TVP23A: variants seen among roughly 807,000 people sequenced by gnomAD.
TVP23A encodes the protein Golgi apparatus membrane protein TVP23 homolog A.
Under a neutral mutation model 31.7 loss-of-function variants are expected in TVP23A, and 21 were observed. The ratio of observed to expected loss-of-function variants is 0.66; its 90% CI spans 0.47 to 0.95. The LOEUF is 0.95. Among genes scored for constraint, TVP23A ranks in the 40% least tolerant of loss-of-function variants. TVP23A has a pLI of 0.00. For missense variants in TVP23A, 279 were observed against 255.6 expected, an observed-to-expected ratio of 1.09 and a Z score of -0.62; for synonymous variants, 104 against 96.0, an observed-to-expected ratio of 1.08 and a Z score of -0.49.
chr16:10,798,243 G>A (rs61014543), intron 2 of TVP23A, among the ~76,000 whole-genome samples: 2,344 of 152,002 alleles, frequency 0.015, 52 homozygotes, highest in African/African-American at 0.053. Context: ...ACAGGTGTGC[G>A]CCCGCGCCCG....
chr16:10,786,988 C>G (rs1187968888), intron 2 of TVP23A, among the ~76,000 whole-genome samples: 1 of 151,818 alleles, frequency 6.6e-6, no homozygotes, highest in Non-Finnish European at 1.5e-5. Flanking sequence ...TGGACTGTTA[C>G]AGCTGGATAC....
chr16:10,775,393 G>A, intron 2 of TVP23A: 1 of 1,169,006 alleles, frequency 8.6e-7, no homozygotes, highest in Non-Finnish European at 1.1e-6. Flanking sequence ...TCTTTGAAGT[G>A]AAACGTGACA....
At chr16:10,770,353 A>T (rs16957647) in intron 6 of TVP23A, 22 bp from the exon 7 acceptor site, 23 of 1,550,016 alleles carry the variant, frequency 1.5e-5, no homozygotes, top group Non-Finnish European at 2.0e-5. Context: ...AAAGTCAACC[A>T]TGGTTTTCTG....
At chr16:10,781,989 G>A (rs749320837) in intron 2 of TVP23A, among the ~76,000 whole-genome samples, 1 of 149,526 alleles carries the variant, frequency 6.7e-6, no homozygotes, top group Non-Finnish European at 1.5e-5. Flanking sequence ...AACCTCCTGA[G>A]TAGCTGGGAT....
intron 2 of TVP23A, among the ~76,000 whole-genome samples, chr16:10,797,459 G>T (rs1367729962): frequency 6.6e-6 from 1 of 152,002 alleles, no homozygotes; most frequent in African/African-American, 2.4e-5. Context: ...GGCTGAGACA[G>T]GAGAATCGCT....
intron 2 of TVP23A, among the ~76,000 whole-genome samples, chr16:10,780,393 T>C (rs1471063772): frequency 6.6e-6 from 1 of 152,140 alleles, no homozygotes; most frequent in African/African-American, 2.4e-5. Flanking sequence ...TATCTTGTCA[T>C]ACTTCAAGGA....
At chr16:10,773,583 G>C in intron 4 of TVP23A, 142 bp from the exon 5 acceptor site, 2 of 1,122,558 alleles carry the variant, frequency 1.8e-6, no homozygotes, top group Non-Finnish European at 2.5e-6. Flanking sequence ...GTTTTGTTTT[G>C]TTTTTGAGAC....
intron 3 of TVP23A, 150 bp from the exon 4 acceptor site, chr16:10,774,278 C>G (rs2031841470): frequency 1.8e-6 from 1 of 545,608 alleles, no homozygotes; most frequent in East Asian, 3.0e-5. Flanking sequence ...TCTCAGATGT[C>G]AAGACTTCTA....
At position 10,818,776 on chromosome 16, in the gene TVP23A, C is replaced by G; in HGVS notation, c.-283G>C. On this transcript the variant is annotated 5_prime_UTR_variant, in exon 1 of 8. Coordinates refer to ENST00000299866, the MANE Select transcript of TVP23A (RefSeq NM_001079512.4). This position sits in a 1 kb window ranked among gnomAD's most constrained non-coding sequence, Gnocchi z 4.7. Reference sequence around the variant, plus strand: ...AGGCAACGGCCTGGGGAACTGCGGACAGAGATAGTGGGAGGAATGGGAGTC... The same window carrying G: ...AGGCAACGGCCTGGGGAACTGCGGAGAGAGATAGTGGGAGGAATGGGAGTC... 4.3e-6 allele frequency: 2 copies of G among 468,546 alleles called. No homozygotes were observed. Among genetic ancestry groups the G allele is most frequent in the Non-Finnish European group, 3.7e-6 (1 of 269,102 alleles). 29.0% of individuals were successfully genotyped at this position (468,546 alleles called of 1,614,324 possible).
intron 2 of TVP23A, among the ~76,000 whole-genome samples, chr16:10,793,026 T>C (rs1486751622): frequency 1.3e-5 from 2 of 152,300 alleles, no homozygotes; most frequent in East Asian, 1.9e-4. Flanking sequence ...TGGTGGCTCC[T>C]GCCTGTAATC....
chr16:10,776,624 C>G (rs1336888128), intron 2 of TVP23A, among the ~76,000 whole-genome samples: 1 of 152,170 alleles, frequency 6.6e-6, no homozygotes, highest in Non-Finnish European at 1.5e-5. Flanking sequence ...AGAGAGGGTT[C>G]TTGGATCTCA....
chr16:10,818,322 C>A lies in TVP23A; in HGVS notation c.10-140G>T. The stretch of plus-strand genomic sequence containing the variant: ...ACCCTCCGAGCTGGCGGGGCCCCTC[C>A]GCTGCGGCTGCAGTGCAAAGCCCTC... On this transcript the variant is annotated intron_variant, in intron 1 of 7. Coordinates refer to ENST00000299866, the MANE Select transcript of TVP23A (RefSeq NM_001079512.4). This position sits in a 1 kb window ranked among gnomAD's most constrained non-coding sequence, Gnocchi z 4.7. The A allele has an allele frequency of 7.4e-7, 1 of 1,348,888 alleles. No individual in the cohort carries two copies. Among genetic ancestry groups the A allele is most frequent in the Non-Finnish European group, 1.0e-6 (1 of 982,810 alleles). The allele number at this position is 1,348,888 out of a possible 1,614,324, so 83.6% of individuals were successfully genotyped here. A position where few individuals can be genotyped will look rare whatever the true frequency, so the allele number is the denominator to read the frequency against.
chr16:10,808,505 A>G (rs1567315341), intron 2 of TVP23A: 2 of 454,796 alleles, frequency 4.4e-6, no homozygotes, highest in Non-Finnish European at 4.4e-6. Context: ...CAACCAAGAA[A>G]TAATAAGCAG....
intron 6 of TVP23A, 90 bp from the exon 7 acceptor site, chr16:10,770,421 T>G: frequency 1.4e-6 from 2 of 1,416,546 alleles, no homozygotes; most frequent in Non-Finnish European, 1.9e-6. Flanking sequence ...ACCCACAAAG[T>G]ACAGAAAACC....
chr16:10,763,291 C>G (rs186493435), downstream of TVP23A, among the ~76,000 whole-genome samples: 162 of 151,916 alleles, frequency 1.1e-3, 2 homozygotes, highest in African/African-American at 3.7e-3. Context: ...GCCAAGGGGC[C>G]GTGCAGAAAG....
intron 2 of TVP23A, among the ~76,000 whole-genome samples, chr16:10,815,281 G>A (rs547487825): frequency 2.5e-4 from 38 of 152,198 alleles, no homozygotes; most frequent in African/African-American, 7.7e-4. Flanking sequence ...GCGTGGTGGC[G>A]TGCACCTGCA....
intron 2 of TVP23A, among the ~76,000 whole-genome samples, chr16:10,796,708 G>T (rs945217578): frequency 6.6e-6 from 1 of 152,128 alleles, no homozygotes; most frequent in Non-Finnish European, 1.5e-5. Flanking sequence ...AAAGTGCTGG[G>T]ATTACAGGCG....
chr16:10,762,505 A>G (rs1352897105), downstream of TVP23A, among the ~76,000 whole-genome samples: 1 of 152,116 alleles, frequency 6.6e-6, no homozygotes, highest in African/African-American at 2.4e-5. Flanking sequence ...CAGGGCCTAC[A>G]CTCGAAGCTG....
intron 2 of TVP23A, among the ~76,000 whole-genome samples, chr16:10,800,873 C>G (rs1045888649): frequency 1.3e-5 from 2 of 152,096 alleles, no homozygotes; most frequent in African/African-American, 4.8e-5. Flanking sequence ...CACCTGTGGT[C>G]TCAGCTATTT....
Sources: allele counts gnomAD v4.1 joint callset (sites outside exome capture counted in the v4.1 genomes callset), GRCh38; gene constraint gnomAD v4.1.1; non-coding constraint Gnocchi (gnomAD v3.1); transcripts MANE v1.5; gene names NCBI Gene and HGNC (gene_info 2026-07-23, HGNC 2026-07-21).